The following TBC1D5 variants were observed in gnomAD, a reference collection of about 807,000 sequenced individuals.
TBC1D5 encodes the protein TBC1 domain family, member 5.
In TBC1D5, 75 loss-of-function variants were observed where a neutral mutation model predicts 100.3. The ratio of observed to expected loss-of-function variants is 0.75; its 90% CI spans 0.62 to 0.91. The LOEUF (loss-of-function observed/expected upper bound fraction) is 0.91. TBC1D5 is among the 40% of genes least tolerant of loss of function. The pLI is 0.00. For synonymous variants in TBC1D5, 323 were observed against 325.6 expected, an observed-to-expected ratio of 0.99 and a Z score of 0.09; for missense variants, 910 against 942.4, an observed-to-expected ratio of 0.97 and a Z score of 0.45.
intron 13 of TBC1D5, among the ~76,000 whole-genome samples, chr3:17,315,906 G>A (rs921697194): frequency 4.6e-5 from 7 of 152,126 alleles, no homozygotes; most frequent in African/African-American, 1.7e-4. Context: ...ATGGCAGAGG[G>A]CTAACTAGAC....
intron 3 of TBC1D5, among the ~76,000 whole-genome samples, chr3:17,462,051 T>G (rs1214419812): frequency 6.6e-6 from 1 of 152,134 alleles, no homozygotes; most frequent in Non-Finnish European, 1.5e-5. Context: ...ATATGTTTTC[T>G]TATGGAAAAT....
intron 2 of TBC1D5, among the ~76,000 whole-genome samples, chr3:17,607,917 G>GA (rs148003160): frequency 1.1e-4 from 16 of 150,056 alleles, no homozygotes; most frequent in South Asian, 2.1e-4. Context: ...TTTTTAAATT[G>GA]AAAAAAAAAC....
intron 2 of TBC1D5, among the ~76,000 whole-genome samples, chr3:17,564,435 C>G (rs780108249): frequency 6.6e-6 from 1 of 152,028 alleles, no homozygotes; most frequent in African/African-American, 2.4e-5. Context: ...ATTACTACCC[C>G]CCTTAAGCTT....
intron 13 of TBC1D5, among the ~76,000 whole-genome samples, chr3:17,308,934 A>T (rs1014881731): frequency 6.6e-6 from 1 of 152,104 alleles, no homozygotes; most frequent in Non-Finnish European, 1.5e-5. Flanking sequence ...AATTCTTATA[A>T]GAAAAAAATT....
At chr3:17,293,745 A>G (rs572088666) in intron 14 of TBC1D5, among the ~76,000 whole-genome samples, 1 of 152,358 alleles carries the variant, frequency 6.6e-6, no homozygotes, top group East Asian at 1.9e-4. Context: ...TCTGGAGAAA[A>G]TTACAGCCCA....
chr3:17,626,836 T>C (rs1434874913), intron 1 of TBC1D5, among the ~76,000 whole-genome samples: 3 of 152,164 alleles, frequency 2.0e-5, no homozygotes, highest in African/African-American at 7.2e-5. Flanking sequence ...GAAAGCATTT[T>C]TGTTACTGGC....
intron 2 of TBC1D5, among the ~76,000 whole-genome samples, chr3:17,555,384 A>G (rs1370644459): frequency 2.0e-5 from 3 of 152,198 alleles, no homozygotes; most frequent in Non-Finnish European, 4.4e-5. Context: ...TGTGAGGTAT[A>G]CACTGGTTCT....
At chr3:17,273,890 A>C (rs895824906) in intron 15 of TBC1D5, among the ~76,000 whole-genome samples, 1 of 151,990 alleles carries the variant, frequency 6.6e-6, no homozygotes, top group Admixed American at 6.6e-5. Context: ...GAAATGCAAC[A>C]AATTGTTCAT....
intron 1 of TBC1D5, among the ~76,000 whole-genome samples, chr3:17,689,113 T>TAATG (rs1374973545): frequency 1.3e-5 from 2 of 151,964 alleles, no homozygotes; most frequent in African/African-American, 4.8e-5. Context: ...ATCCCCATTA[T>TAATG]CACCATAAAA....
chr3:17,602,110 C>G (rs1344888846), intron 2 of TBC1D5, among the ~76,000 whole-genome samples: 1 of 152,172 alleles, frequency 6.6e-6, no homozygotes, highest in Non-Finnish European at 1.5e-5. Context: ...GTATTACAGG[C>G]GTAAGCCATT....
intron 18 of TBC1D5, among the ~76,000 whole-genome samples, chr3:17,206,563 T>C (rs2072211522): frequency 1.3e-5 from 2 of 152,196 alleles, no homozygotes; most frequent in African/African-American, 2.4e-5. Flanking sequence ...ATTATATTTG[T>C]ATGACCATAG....
At chr3:17,679,252 C>A (rs953342421) in intron 1 of TBC1D5, among the ~76,000 whole-genome samples, 1 of 151,096 alleles carries the variant, frequency 6.6e-6, no homozygotes, top group Admixed American at 6.6e-5. Flanking sequence ...AGAGACCACA[C>A]CCTCCTAAAA....
intron 13 of TBC1D5, among the ~76,000 whole-genome samples, chr3:17,356,972 G>A (rs2091272395): frequency 1.4e-5 from 2 of 145,030 alleles, no homozygotes; most frequent in South Asian, 4.4e-4. Flanking sequence ...GGGGTTGTGG[G>A]GAGATAATCA....
At chr3:17,633,533 C>CT (rs2063664247) in intron 1 of TBC1D5, among the ~76,000 whole-genome samples, 1 of 151,830 alleles carries the variant, frequency 6.6e-6, no homozygotes, top group African/African-American at 2.4e-5. Flanking sequence ...ACTTAAGACT[C>CT]TAAGATGAAA....
At chr3:17,601,658 C>T (rs2060952434) in intron 2 of TBC1D5, among the ~76,000 whole-genome samples, 1 of 152,170 alleles carries the variant, frequency 6.6e-6, no homozygotes, top group African/African-American at 2.4e-5. Flanking sequence ...ATATCCTAGA[C>T]TCCACTTTTT....
chr3:17,599,661 A>T (rs1390517784), intron 2 of TBC1D5, among the ~76,000 whole-genome samples: 1 of 152,174 alleles, frequency 6.6e-6, no homozygotes, highest in East Asian at 1.9e-4. Context: ...AACTGCAAAG[A>T]CAGTATTAAT....
chr3:17,430,776 ACTGT>A (rs928419294), intron 3 of TBC1D5, among the ~76,000 whole-genome samples: 26 of 152,018 alleles, frequency 1.7e-4, no homozygotes, highest in African/African-American at 5.8e-4. Flanking sequence ...TTGGAAGGAA[ACTGT>A]CTGACTATGG....
At chr3:17,166,048 TA>T (rs1157011559) in intron 21 of TBC1D5, among the ~76,000 whole-genome samples, 2 of 152,314 alleles carry the variant, frequency 1.3e-5, no homozygotes, top group East Asian at 3.9e-4. Flanking sequence ...TGTGTTAAAA[TA>T]AATTATATAC....
chr3:17,391,063 T>C (rs1170147233), intron 8 of TBC1D5, among the ~76,000 whole-genome samples: 1 of 152,140 alleles, frequency 6.6e-6, no homozygotes, highest in Non-Finnish European at 1.5e-5. Flanking sequence ...GGCAGGCCTC[T>C]GTACACATTT....
Sources: gnomAD v4.1 joint callset for allele counts (sites outside exome capture counted in the v4.1 genomes callset) on GRCh38, gnomAD v4.1.1 for gene constraint, MANE v1.5 for transcripts, NCBI Gene and HGNC (gene_info 2026-07-23, HGNC 2026-07-21) for gene names.